ARHGEF28: variants seen among roughly 807,000 people sequenced by gnomAD.
The protein encoded by ARHGEF28 is Rho guanine nucleotide exchange factor 28, also known as 190 kDa guanine nucleotide exchange factor.
ARHGEF28 carries 152 observed loss-of-function variants against 206.6 expected under a neutral mutation model. The observed-to-expected ratio is 0.74, with a 90% CI of 0.64 to 0.84. ARHGEF28 has a LOEUF of 0.84. Ranked by LOEUF, ARHGEF28 falls within the 40% of genes least tolerant of loss-of-function variation. The probability of loss-of-function intolerance (pLI) is 0.00; values close to 1 mark genes in which losing one functional copy is unlikely to be tolerated. For missense variants in ARHGEF28, 2,028 were observed against 2,073.2 expected (o/e 0.98, Z 0.42); for synonymous variants, 763 against 776.4 (o/e 0.98, Z 0.29).
At chr5:73,851,934 G>A (rs1197883702) in intron 13 of ARHGEF28, among the ~76,000 whole-genome samples, 1 of 152,096 alleles carries the variant, frequency 6.6e-6, no homozygotes, top group Non-Finnish European at 1.5e-5. Flanking sequence ...GATTGTGAGA[G>A]TGAAGGATTT....
At chr5:73,911,965 G>T (rs1762932872) in intron 35 of ARHGEF28, among the ~76,000 whole-genome samples, 1 of 152,076 alleles carries the variant, frequency 6.6e-6, no homozygotes, top group Non-Finnish European at 1.5e-5. Context: ...GATACCAACA[G>T]GGTTGGTAGT....
At chr5:73,825,933 T>C (rs574263564) in intron 9 of ARHGEF28, among the ~76,000 whole-genome samples, 26 of 151,770 alleles carry the variant, frequency 1.7e-4, no homozygotes, top group Non-Finnish European at 3.2e-4. Context: ...GAGTTGAAAA[T>C]GTGAGAGTCA....
chr5:73,815,241 C>G lies in ARHGEF28; in HGVS notation c.1025-17097C>G, dbSNP rs180870447. Among the ~76,000 whole-genome samples, 254 of 148,962 alleles carry G rather than the reference C, an allele frequency of 1.7e-3. 1 individual carries two copies. Among genetic ancestry groups the G allele is most frequent in the African/African-American group, 6.1e-3 (241 of 39,284 alleles). On this transcript the variant is annotated intron_variant, in intron 9 of 35. Transcript: ENST00000513042. ...ACAAGCATGCGCTTATAAAAACAAG[C>G]TCGTACACAAATAGAAAATGCAGTC...
chr5:73,735,363 T>C (rs941242556), intron 2 of ARHGEF28, among the ~76,000 whole-genome samples: 5 of 152,186 alleles, frequency 3.3e-5, no homozygotes, highest in Non-Finnish European at 7.4e-5. Flanking sequence ...GGCACTGTTT[T>C]TATTCCTGTT....
At chr5:73,641,380 G>A (rs1232458320) in intron 1 of ARHGEF28, among the ~76,000 whole-genome samples, 11 of 146,474 alleles carry the variant, frequency 7.5e-5, no homozygotes, top group African/African-American at 2.8e-4. Context: ...TGGGCATAAT[G>A]AAAAAATAAT....
rs554838310 is a variant in ARHGEF28 at position 73,823,626 on chromosome 5, C to T, written c.1025-8712C>T. On this transcript the variant is annotated intron_variant, in intron 9 of 35. Transcript: ENST00000513042. ...TTTCTCAGCAAGACTCAGCAAACTG[C>T]CAGGGGTGAATAGGACAGGGCCAGG... 7.2e-5 allele frequency among the ~76,000 whole-genome samples: 11 copies of T among 152,232 alleles called. No individual in the cohort carries two copies. The South Asian group carries it at 2.1e-3, about 29-fold the overall frequency.
intron 1 of ARHGEF28, among the ~76,000 whole-genome samples, chr5:73,639,740 T>A (rs184636000): frequency 3.9e-5 from 6 of 152,266 alleles, no homozygotes. Flanking sequence ...CTATAGTGTA[T>A]CCCATGTAAA....
Position 73,839,112 on chromosome 5 carries a change from A to G in ARHGEF28, c.1147-1368A>G, listed in dbSNP as rs181646130. On this transcript the variant is annotated intron_variant, in intron 10 of 35. Coordinates refer to ENST00000513042, the MANE Select transcript of ARHGEF28 (RefSeq NM_001177693.2). ...TTCAGGTTAGGCATGTTTGGCAGGA[A>G]TACTACGGAAGTGATGATGGGTGCT... is the stretch of plus-strand genomic sequence containing the variant. Among the ~76,000 whole-genome samples the G allele has an allele frequency of 8.5e-5, 13 of 152,332 alleles. No individual in the cohort carries two copies. The East Asian group carries it at 1.9e-3, about 23-fold the overall frequency.
intron 13 of ARHGEF28, among the ~76,000 whole-genome samples, chr5:73,850,227 A>G (rs1470352078): frequency 6.6e-6 from 1 of 151,982 alleles, no homozygotes; most frequent in Non-Finnish European, 1.5e-5. Context: ...GATAGATAAA[A>G]CACAAAAGAA....
chr5:73,652,186 G>A (rs1476485862), intron 1 of ARHGEF28, among the ~76,000 whole-genome samples: 1 of 152,138 alleles, frequency 6.6e-6, no homozygotes, highest in African/African-American at 2.4e-5. Flanking sequence ...CTTCCCTCAC[G>A]AAGCTTATTA....
intron 4 of ARHGEF28, among the ~76,000 whole-genome samples, chr5:73,770,964 C>T (rs537935756): frequency 9.9e-5 from 15 of 152,266 alleles, no homozygotes; most frequent in African/African-American, 3.4e-4. Context: ...GGAGAGCTCT[C>T]GTGGTAGAGG....
intron 2 of ARHGEF28, among the ~76,000 whole-genome samples, chr5:73,699,934 A>C (rs1162877454): frequency 6.6e-6 from 1 of 152,194 alleles, no homozygotes; most frequent in African/African-American, 2.4e-5. Context: ...TGCCAACCTG[A>C]CCATACTGCT....
chr5:73,833,233 A>G (rs1237525517), intron 10 of ARHGEF28, among the ~76,000 whole-genome samples: 1 of 152,234 alleles, frequency 6.6e-6, no homozygotes, highest in Non-Finnish European at 1.5e-5. Flanking sequence ...AACTGACTTT[A>G]AAACTTAATC....
chr5:73,898,039 T>C lies in ARHGEF28; in HGVS notation c.3919T>C (p.Ser1307Pro), dbSNP rs541218797. The change falls in exon 30 of 36, where the codon TCT (serine) becomes CCT (proline). Residue 1307 changes from serine to proline, a missense_variant. Physicochemically the swap from Ser to Pro is moderately conservative, Grantham distance 74. Coordinates refer to ENST00000513042, the MANE Select transcript of ARHGEF28 (RefSeq NM_001177693.2). The stretch of plus-strand genomic sequence containing the variant: ...ATCATGTGAGGACAGTTGTGGAGAC[T>C]CTGTCTTGGCGGACACACTCAGTTC... Reference protein sequence around the residue: ...SQSCEDSCGDSVLADTLSSHD... With the variant: ...SQSCEDSCGDPVLADTLSSHD... The C allele has an allele frequency of 1.2e-5, 19 of 1,610,848 alleles. 2 individuals carry two copies. The South Asian group carries it at 2.1e-4, about 18-fold the overall frequency.
At chr5:73,848,827 G>C (rs1275588463) in intron 12 of ARHGEF28, 149 bp from the exon 13 acceptor site, 1 of 623,370 alleles carries the variant, frequency 1.6e-6, no homozygotes, top group Non-Finnish European at 2.7e-6. Flanking sequence ...AATTGTGAGA[G>C]GAAAACAGAA....
intron 2 of ARHGEF28, among the ~76,000 whole-genome samples, chr5:73,716,474 G>C (rs1366465213): frequency 6.6e-6 from 1 of 152,178 alleles, no homozygotes; most frequent in East Asian, 1.9e-4. Context: ...TGCTAGTGCA[G>C]CCAGTGTCCT....
At chr5:73,633,856 C>T (rs902535515) in intron 1 of ARHGEF28, among the ~76,000 whole-genome samples, 2 of 152,108 alleles carry the variant, frequency 1.3e-5, no homozygotes, top group African/African-American at 4.8e-5. Flanking sequence ...GGGTTACAGG[C>T]ATGAGCCACC....
intron 35 of ARHGEF28, among the ~76,000 whole-genome samples, chr5:73,937,295 A>G (rs1161656881): frequency 2.0e-5 from 3 of 152,230 alleles, no homozygotes; most frequent in East Asian, 3.8e-4. Flanking sequence ...TAATGTGAGT[A>G]TCGAAGTTTC....
chr5:73,707,198 A>G (rs1258565695), intron 2 of ARHGEF28, among the ~76,000 whole-genome samples: 1 of 152,150 alleles, frequency 6.6e-6, no homozygotes, highest in Non-Finnish European at 1.5e-5. Flanking sequence ...CTTTATAATC[A>G]GTGTCCCCTA....
Sources: allele counts gnomAD v4.1 joint callset (sites outside exome capture counted in the v4.1 genomes callset), GRCh38; gene constraint gnomAD v4.1.1; transcripts MANE v1.5; gene names NCBI Gene and HGNC (gene_info 2026-07-23, HGNC 2026-07-21).